The following AGBL1 variants were observed in gnomAD, a reference collection of about 807,000 sequenced individuals.
AGBL1 encodes cytosolic carboxypeptidase 4.
A neutral mutation model predicts 118.9 loss-of-function variants in AGBL1; 130 were observed. The ratio of observed to expected loss-of-function variants is 1.09; its 90% CI spans 0.95 to 1.26. The LOEUF (loss-of-function observed/expected upper bound fraction) is 1.26. AGBL1 is among the 50% of genes most tolerant of loss of function. The probability of loss-of-function intolerance (pLI) is 0.00; values close to 1 mark genes in which losing one functional copy is unlikely to be tolerated. For synonymous variants in AGBL1, 555 were observed against 478.9 expected, an observed-to-expected ratio of 1.16 and a Z score of -2.08; for missense variants, 1,584 against 1,298.1, an observed-to-expected ratio of 1.22 and a Z score of -3.38.
chr15:86,904,078 G>T (rs2080248314), intron 22 of AGBL1, among the ~76,000 whole-genome samples: 1 of 152,186 alleles, frequency 6.6e-6, no homozygotes, highest in Non-Finnish European at 1.5e-5. Flanking sequence ...GTGTTTGCCT[G>T]GAGTAGAACA....
At chr15:86,188,677 A>C (rs2077670651) in intron 5 of AGBL1, among the ~76,000 whole-genome samples, 1 of 152,234 alleles carries the variant, frequency 6.6e-6, no homozygotes, top group Non-Finnish European at 1.5e-5. Flanking sequence ...CAGAACATGC[A>C]GAAGCAATTA....
intron 18 of AGBL1, among the ~76,000 whole-genome samples, chr15:86,455,988 C>T (rs761920864): frequency 4.6e-5 from 7 of 152,296 alleles, no homozygotes; most frequent in African/African-American, 1.4e-4. Context: ...CCTTGCAACA[C>T]GTCTGACAAA....
intron 21 of AGBL1, among the ~76,000 whole-genome samples, chr15:86,649,080 T>C (rs1056444944): frequency 6.6e-6 from 1 of 152,134 alleles, no homozygotes; most frequent in Non-Finnish European, 1.5e-5. Context: ...GTAAAGCTTA[T>C]GGTGTGGAAG....
chr15:87,012,279 CA>C (rs1447078109), intron 24 of AGBL1, among the ~76,000 whole-genome samples: 1 of 150,354 alleles, frequency 6.7e-6, no homozygotes, highest in African/African-American at 2.4e-5. Flanking sequence ...AAAAAAAATC[CA>C]ACAAGAATGT....
chr15:86,194,433 A>C (rs945497583), intron 5 of AGBL1, among the ~76,000 whole-genome samples: 1 of 152,102 alleles, frequency 6.6e-6, no homozygotes, highest in Non-Finnish European at 1.5e-5. Flanking sequence ...GCTTTCCACT[A>C]TCCTTGCTAG....
chr15:86,186,399 G>A (rs940240143), intron 5 of AGBL1, among the ~76,000 whole-genome samples: 10 of 152,194 alleles, frequency 6.6e-5, no homozygotes, highest in South Asian at 2.1e-4. Context: ...AAGAGAAAAT[G>A]TTATGCATTC....
intron 22 of AGBL1, among the ~76,000 whole-genome samples, chr15:86,808,080 G>A (rs978556631): frequency 6.6e-6 from 1 of 152,022 alleles, no homozygotes; most frequent in Non-Finnish European, 1.5e-5. Context: ...TACTCCATAG[G>A]AGCAATTATT....
intron 21 of AGBL1, among the ~76,000 whole-genome samples, chr15:86,653,373 A>G (rs746089088): frequency 4.9e-4 from 75 of 152,096 alleles, no homozygotes; most frequent in Non-Finnish European, 2.2e-4. Context: ...CCTAAATCCT[A>G]TAATACCACA....
At chr15:86,692,206 C>A (rs559851236) in intron 22 of AGBL1, among the ~76,000 whole-genome samples, 26 of 151,746 alleles carry the variant, frequency 1.7e-4, no homozygotes, top group African/African-American at 3.1e-4. Context: ...ACAAAAAAAC[C>A]AAAAAAGCTG....
rs117714587 is a variant in AGBL1 at position 86,570,919 on chromosome 15, C to A, written c.2994+16382C>A. On this transcript the variant is annotated intron_variant, in intron 21 of 22. Coordinates refer to ENST00000614907, the MANE Select transcript of AGBL1 (RefSeq NM_001386094.1). ...GATCCCATGCCTGCCAAGGGAGAGT[C>A]AAGCATGGAGCAGTGAGGGGTGTGT... Among the ~76,000 whole-genome samples the A allele has an allele frequency of 2.3e-3, 349 of 152,256 alleles. 7 individuals are homozygous for A. The East Asian group carries it at 0.045, about 19-fold the overall frequency.
intron 6 of AGBL1, among the ~76,000 whole-genome samples, chr15:86,240,241 A>G (rs1225164015): frequency 6.6e-6 from 1 of 152,240 alleles, no homozygotes; most frequent in African/African-American, 2.4e-5. Context: ...TGCAGAGCAC[A>G]TAGGAAATAT....
intron 22 of AGBL1, among the ~76,000 whole-genome samples, chr15:86,808,034 G>C (rs1211553523): frequency 1.3e-5 from 2 of 152,042 alleles, no homozygotes; most frequent in East Asian, 3.9e-4. Context: ...TACCAACCTT[G>C]ATGAGTTAGA....
chr15:86,770,718 G>A (rs1307794938), intron 22 of AGBL1, among the ~76,000 whole-genome samples: 6 of 151,934 alleles, frequency 3.9e-5, no homozygotes, highest in African/African-American at 9.7e-5. Context: ...GCTCCCTCAC[G>A]GGCTGGGGCA....
chr15:86,603,118 G>T (rs1315873917), intron 21 of AGBL1, among the ~76,000 whole-genome samples: 4 of 152,120 alleles, frequency 2.6e-5, no homozygotes, highest in African/African-American at 9.7e-5. Context: ...GCATCTCTCA[G>T]CCAGAGGAGG....
At chr15:86,977,967 A>G (rs897659151) in intron 23 of AGBL1, among the ~76,000 whole-genome samples, 2 of 152,096 alleles carry the variant, frequency 1.3e-5, no homozygotes, top group African/African-American at 4.8e-5. Flanking sequence ...AGAAATGTTA[A>G]ATTTTATCAA....
chr15:86,635,507 G>A (rs1307686194), intron 21 of AGBL1, among the ~76,000 whole-genome samples: 1 of 151,704 alleles, frequency 6.6e-6, no homozygotes, highest in African/African-American at 2.4e-5. Flanking sequence ...CTGTTTTGAA[G>A]GCTAATGTAA....
At chr15:86,235,775 C>T (rs2078531299) in intron 6 of AGBL1, among the ~76,000 whole-genome samples, 1 of 152,156 alleles carries the variant, frequency 6.6e-6, no homozygotes, top group Non-Finnish European at 1.5e-5. Flanking sequence ...GACTTTGCCC[C>T]AGAGGGAGCA....
intron 22 of AGBL1, among the ~76,000 whole-genome samples, chr15:86,676,960 GA>G (rs1596360359): frequency 6.6e-6 from 1 of 152,188 alleles, no homozygotes; most frequent in East Asian, 1.9e-4. Flanking sequence ...AGGTTGCAGT[GA>G]GCCAAGATCA....
intron 19 of AGBL1, among the ~76,000 whole-genome samples, chr15:86,539,398 T>C (rs2083465565): frequency 6.6e-6 from 1 of 152,238 alleles, no homozygotes; most frequent in Non-Finnish European, 1.5e-5. Flanking sequence ...TACTTATATC[T>C]GGTGCCTTAA....
Sources: allele counts gnomAD v4.1 joint callset (sites outside exome capture counted in the v4.1 genomes callset), GRCh38; gene constraint gnomAD v4.1.1; transcripts MANE v1.5; gene names NCBI Gene and HGNC (gene_info 2026-07-23, HGNC 2026-07-21).